CREB3L2: variants seen among roughly 807,000 people sequenced by gnomAD.
CREB3L2 encodes the protein cyclic AMP-responsive element-binding protein 3-like protein 2.
In CREB3L2, 23 loss-of-function variants were observed where a neutral mutation model predicts 57.2. The ratio of observed to expected loss-of-function variants is 0.40; its 90% CI spans 0.29 to 0.57. The LOEUF is 0.57. Among genes scored for constraint, CREB3L2 ranks in the 20% least tolerant of loss-of-function variants. The pLI is 0.42. For missense variants in CREB3L2, 628 were observed against 634.7 expected, an observed-to-expected ratio of 0.99 and a Z score of 0.11; for synonymous variants, 268 against 265.1, an observed-to-expected ratio of 1.01 and a Z score of -0.11.
At chr7:137,894,373 G>A (rs531459883) in intron 8 of CREB3L2, among the ~76,000 whole-genome samples, 1 of 152,220 alleles carries the variant, frequency 6.6e-6, no homozygotes, top group South Asian at 2.1e-4. Flanking sequence ...CTTTGTCTTT[G>A]ACCCAGGAAT....
intron 2 of CREB3L2, among the ~76,000 whole-genome samples, chr7:137,920,218 T>G (rs1245078608): frequency 6.6e-6 from 1 of 152,222 alleles, no homozygotes; most frequent in Non-Finnish European, 1.5e-5. Context: ...CTTGGTCCTG[T>G]GGCTTGATGT....
intron 1 of CREB3L2, among the ~76,000 whole-genome samples, chr7:137,977,445 T>TG (rs1247825476): frequency 1.3e-5 from 2 of 152,206 alleles, no homozygotes; most frequent in African/African-American, 4.8e-5. Flanking sequence ...GAAAAAGGAA[T>TG]GACAAATAGT....
intron 1 of CREB3L2, among the ~76,000 whole-genome samples, chr7:137,963,810 T>G (rs1376076251): frequency 6.6e-6 from 1 of 152,254 alleles, no homozygotes; most frequent in Admixed American, 6.5e-5. Context: ...AGTTTAAAAA[T>G]AGTTATTGCC....
chr7:137,949,133 TATC>T (rs1436084557), intron 1 of CREB3L2, among the ~76,000 whole-genome samples: 1 of 152,190 alleles, frequency 6.6e-6, no homozygotes, highest in African/African-American at 2.4e-5. Context: ...CCCAAAGAAA[TATC>T]ATTTTCTCTT....
chr7:137,965,777 T>C (rs1026149229), intron 1 of CREB3L2, among the ~76,000 whole-genome samples: 7 of 152,242 alleles, frequency 4.6e-5, no homozygotes, highest in African/African-American at 1.7e-4. Flanking sequence ...TATGGGATTC[T>C]ATGCCTGAGG....
At chr7:137,924,349 A>G (rs1485718513) in intron 2 of CREB3L2, among the ~76,000 whole-genome samples, 1 of 152,222 alleles carries the variant, frequency 6.6e-6, no homozygotes, top group Admixed American at 6.5e-5. Context: ...GATAGGGGCC[A>G]TGTCTGGTTC....
At chr7:137,887,469 G>A (rs1023466667) in intron 8 of CREB3L2, among the ~76,000 whole-genome samples, 1 of 152,316 alleles carries the variant, frequency 6.6e-6, no homozygotes, top group East Asian at 1.9e-4. Flanking sequence ...AACACTTTGG[G>A]AGGCCAAGGT....
At chr7:137,884,852 C>T (rs779716776) in intron 10 of CREB3L2, 143 bp downstream of exon 10, 1 of 1,193,914 alleles carries the variant, frequency 8.4e-7, no homozygotes, top group South Asian at 1.2e-5. Flanking sequence ...GGAACCCCCA[C>T]TTGCCTCTTC....
rs529554555 is a variant in CREB3L2, at chr7:137,941,537, G to A, written c.103-13171C>T. On this transcript the variant is annotated intron_variant, in intron 1 of 11. Coordinates refer to ENST00000330387, the MANE Select transcript of CREB3L2 (RefSeq NM_194071.4). ...ATCTCTAAGTGCTACCAGAATCCAA[G>A]AGCTTTGAGGCCTGCTCAGGACAGA... Among the ~76,000 whole-genome samples, 5 of 152,304 alleles carry A rather than the reference G, an allele frequency of 3.3e-5. No individual in the cohort carries two copies. The East Asian group carries it at 9.7e-4, about 29-fold the overall frequency.
At chr7:137,910,493 G>T (rs1392669653) in intron 4 of CREB3L2, among the ~76,000 whole-genome samples, 2 of 152,192 alleles carry the variant, frequency 1.3e-5, no homozygotes, top group East Asian at 3.9e-4. Context: ...GGCTAAGAGT[G>T]AGGAGTCCTA....
chr7:137,882,159 T>C (rs1369977081), intron 11 of CREB3L2, among the ~76,000 whole-genome samples: 1 of 152,166 alleles, frequency 6.6e-6, no homozygotes, highest in Non-Finnish European at 1.5e-5. Context: ...CACTTCTTTG[T>C]GCCACCACGC....
At position 137,880,232 on chromosome 7, in the gene CREB3L2, T is replaced by C. The variant is rs1315483866; in HGVS notation, c.*244A>G. 8 of 532,702 alleles carry C rather than the reference T, an allele frequency of 1.5e-5. No homozygotes were observed. The highest frequency in any genetic ancestry group is 2.4e-5 in the Non-Finnish European group (7 of 293,930). 33.0% of individuals were successfully genotyped at this position (532,702 alleles called of 1,614,324 possible). A position where few individuals can be genotyped will look rare whatever the true frequency, so the allele number is the denominator to read the frequency against. ...CCCACCTCCAACCCCTAAAATAATT[T>C]CCTATGGCAGTAAGAGAAAGGAAGG... On this transcript the variant is annotated 3_prime_UTR_variant, in exon 12 of 12. Transcript: ENST00000330387. This position sits in a 1 kb window ranked among gnomAD's most constrained non-coding sequence, Gnocchi z 4.0.
intron 1 of CREB3L2, among the ~76,000 whole-genome samples, chr7:137,988,590 G>T (rs1458415613): frequency 6.6e-6 from 1 of 152,158 alleles, no homozygotes; most frequent in Admixed American, 6.5e-5. Context: ...GAAGAATAAA[G>T]AGAGGAAAAG....
At chr7:137,932,985 C>T (rs752028749) in intron 1 of CREB3L2, among the ~76,000 whole-genome samples, 1 of 152,174 alleles carries the variant, frequency 6.6e-6, no homozygotes, top group Non-Finnish European at 1.5e-5. Flanking sequence ...TCCCAGGTAA[C>T]GCTGTGACTC....
rs186174486 is a variant in CREB3L2 at position 137,947,546 on chromosome 7, G to T, written c.103-19180C>A. On this transcript the variant is annotated intron_variant, in intron 1 of 11. Coordinates refer to ENST00000330387, the MANE Select transcript of CREB3L2 (RefSeq NM_194071.4). ...CTCTCCACACCTGTGTCTTGATCCC[G>T]CCATTTGCCCCCCTTGGCTCACTCC... Among the ~76,000 whole-genome samples, 438 of 152,118 alleles carry T rather than the reference G, an allele frequency of 2.9e-3. 1 individual carries two copies. The highest frequency in any genetic ancestry group is 9.9e-3 in the African/African-American group (412 of 41,474).
intron 1 of CREB3L2, among the ~76,000 whole-genome samples, chr7:137,996,220 T>G (rs915733055): frequency 1.3e-5 from 2 of 152,244 alleles, no homozygotes; most frequent in African/African-American, 4.8e-5. Flanking sequence ...TGTTAAATCT[T>G]ACTAACACTA....
Position 137,875,941 on chromosome 7 carries a change from A to G in CREB3L2, c.*4535T>C. 1 of 227,060 alleles carries G rather than the reference A, an allele frequency of 4.4e-6. No individual in the cohort carries two copies. The allele number at this position is 227,060 out of a possible 1,614,324, so 14.1% of individuals were successfully genotyped here. ...CAACACCTAGTTTTTTCCTGTGTTA[A>G]GTGCTGACCCTTTGACCACAAAGGC... On this transcript the variant is annotated 3_prime_UTR_variant, in exon 12 of 12. Coordinates refer to ENST00000330387, the MANE Select transcript of CREB3L2 (RefSeq NM_194071.4).
At chr7:137,902,051 G>A (rs1016155925) in intron 7 of CREB3L2, among the ~76,000 whole-genome samples, 1 of 151,410 alleles carries the variant, frequency 6.6e-6, no homozygotes, top group Admixed American at 6.6e-5. Flanking sequence ...AAAATTAGCT[G>A]AGCATGGTGG....
chr7:137,882,513 C>T lies in CREB3L2; in HGVS notation c.1386G>A (p.Val462=), dbSNP rs1172777690. ...GWDRGSSLLR[V]SGLESRPDVD... ...CATCCGGCCTGGACTCCAGCCCTGA[C>T]ACCCTGAGCAGGGAGGAACCTCTAT... Residue 462 remains valine, a synonymous_variant, in exon 11 of 12, where the codon GTG becomes GTA. Transcript: ENST00000330387. The T allele has an allele frequency of 1.2e-6, 2 of 1,614,042 alleles. No homozygotes were observed. Among genetic ancestry groups the T allele is most frequent in the Non-Finnish European group, 1.7e-6 (2 of 1,179,892 alleles).
Sources: allele counts gnomAD v4.1 joint callset (sites outside exome capture counted in the v4.1 genomes callset), GRCh38; gene constraint gnomAD v4.1.1; non-coding constraint Gnocchi (gnomAD v3.1); transcripts MANE v1.5; gene names NCBI Gene and HGNC (gene_info 2026-07-23, HGNC 2026-07-21).